The following ACLY variants were observed in gnomAD, a reference collection of about 807,000 sequenced individuals.
ACLY encodes the protein ATP citrate lyase.
In ACLY, 41 loss-of-function variants were observed where a neutral mutation model predicts 133.0. That is an observed-to-expected ratio of 0.31 (90% confidence interval 0.24 to 0.40). The LOEUF (loss-of-function observed/expected upper bound fraction) is 0.40. Ranked by LOEUF, ACLY falls within the 10% of genes least tolerant of loss-of-function variation. The probability of loss-of-function intolerance (pLI) is 1.00; values close to 1 mark genes in which losing one functional copy is unlikely to be tolerated. For synonymous variants in ACLY, 495 were observed against 549.3 expected (o/e 0.90, Z 1.38); for missense variants, 1,046 against 1,453.8 (o/e 0.72, Z 4.56).
upstream of ACLY, chr17:41,919,162 C>T: frequency 1.1e-6 from 1 of 936,086 alleles, no homozygotes; most frequent in East Asian, 8.9e-5. Context: ...GCTGGCCCAT[C>T]CACCGCCTCT....
intron 16 of ACLY, among the ~76,000 whole-genome samples, chr17:41,890,978 A>AAAAT: frequency 6.6e-6 from 1 of 152,160 alleles, no homozygotes; most frequent in East Asian, 1.9e-4. Flanking sequence ...TCAAAAAAAA[A>AAAAT]AAATAAATAA....
chr17:41,901,046 C>T (rs1408825151), intron 11 of ACLY, among the ~76,000 whole-genome samples: 2 of 152,084 alleles, frequency 1.3e-5, no homozygotes, highest in African/African-American at 2.4e-5. Context: ...CCTCAACCTC[C>T]CAGGTTCAGG....
chr17:41,869,482 T>C lies in ACLY; in HGVS notation c.3043A>G (p.Thr1015Ala), dbSNP rs782732336. The change falls in exon 26 of 29, where the codon ACC becomes GCC. Residue 1015 changes from threonine to alanine, a missense_variant. Thr to Ala is a moderately conservative substitution (Grantham distance 58). Transcript: ENST00000352035. ...DYALEVEKIT[T>A]SKKPNLILNV... ...AGTTTTTTCTTTGTTACCTTCGAGG[T>C]GGTAATCTTCTCTACTTCCAGTGCA... 6.2e-7 allele frequency: 1 copy of C among 1,613,102 alleles called. No individual in the cohort carries two copies. Among genetic ancestry groups the C allele is most frequent in the Non-Finnish European group, 8.5e-7 (1 of 1,179,328 alleles).
In ACLY at chr17:41,889,855, T is replaced by C. The variant is rs545535310; in HGVS notation, c.1771-2152A>G. 4.6e-5 allele frequency among the ~76,000 whole-genome samples: 7 copies of C among 152,168 alleles called. No individual in the cohort carries two copies. In the East Asian group the frequency reaches 1.4e-3, roughly 29 times the overall value. ...TGTCTGCCACCATACCCAGCTATTT[T>C]TTTTATTTTTAGTAGAGGCGGTGGC... is the stretch of plus-strand genomic sequence containing the variant. On this transcript the variant is annotated intron_variant, in intron 16 of 28. Coordinates refer to ENST00000352035, the MANE Select transcript of ACLY (RefSeq NM_001096.3).
chr17:41,919,182 G>C (rs1337845957), upstream of ACLY, among the ~76,000 whole-genome samples: 1 of 152,204 alleles, frequency 6.6e-6, no homozygotes. Context: ...TTGGGAGCCT[G>C]CGGGGCCGGG....
chr17:41,876,675 A>G (rs1295636682), intron 22 of ACLY, among the ~76,000 whole-genome samples: 9 of 152,290 alleles, frequency 5.9e-5, no homozygotes, highest in East Asian at 1.9e-4. Flanking sequence ...GATTAAGGGC[A>G]GTGCAAGGTG....
chr17:41,912,528 C>T lies in ACLY; in HGVS notation c.174G>A (p.Lys58=), dbSNP rs894634690. The T allele has an allele frequency of 5.0e-6, 8 of 1,614,180 alleles. No homozygotes were observed. The highest frequency in any genetic ancestry group is 6.8e-6 in the Non-Finnish European group (8 of 1,180,000). Residue 58 remains lysine (K), a synonymous_variant, in exon 3 of 29, where the codon AAG becomes AAA. Coordinates refer to ENST00000352035, the MANE Select transcript of ACLY (RefSeq NM_001096.3). ...CACGACGTTTGATCAGCTGGTCTGG[C>T]TTGACTACCAAGTTCTGGAACAAAA... ...PWLLSQNLVV[K]PDQLIKRRGK...
chr17:41,902,859 C>T (rs1272262527), intron 10 of ACLY, among the ~76,000 whole-genome samples: 1 of 152,210 alleles, frequency 6.6e-6, no homozygotes, highest in Non-Finnish European at 1.5e-5. Context: ...GACAGGGTCT[C>T]ATTGTCGCCC....
At chr17:41,926,918 G>T (rs1441406521) in intron 1 of ACLY, among the ~76,000 whole-genome samples, 2 of 147,962 alleles carry the variant, frequency 1.4e-5, no homozygotes, top group African/African-American at 5.0e-5. Context: ...GCCCAGGCTG[G>T]AGTGCAATGG....
At chr17:41,893,861 G>A (rs2049285001) in intron 14 of ACLY, among the ~76,000 whole-genome samples, 1 of 152,122 alleles carries the variant, frequency 6.6e-6, no homozygotes, top group African/African-American at 2.4e-5. Context: ...CCTTCTACCA[G>A]GTGGCTCTTT....
At chr17:41,913,166 A>G (rs1336178238) in intron 2 of ACLY, among the ~76,000 whole-genome samples, 1 of 152,230 alleles carries the variant, frequency 6.6e-6, no homozygotes, top group African/African-American at 2.4e-5. Flanking sequence ...ATGGCCCTGC[A>G]AAGATCTCAA....
rs2049813234 is a variant in ACLY at position 41,909,080 on chromosome 17, A to G, written c.537-12T>C. 6.2e-7 allele frequency: 1 copy of G among 1,602,222 alleles called. No individual in the cohort carries two copies. Among genetic ancestry groups the G allele is most frequent in the Non-Finnish European group, 8.5e-7 (1 of 1,172,238 alleles). ...AACTGGCCAGAATTCTAGAGGTGGG[A>G]GGGAGAGAGGGACAGTTCATCCATC... On this transcript the variant is annotated splice_polypyrimidine_tract_variant and intron_variant, in intron 5 of 28. Transcript: ENST00000352035.
At chr17:41,879,647 C>CAAAAAAAAAAAAAAAAAAAAAAAAA (rs558056100) in intron 20 of ACLY, among the ~76,000 whole-genome samples, 4 of 34,230 alleles carry the variant, frequency 1.2e-4, no homozygotes, top group African/African-American at 1.5e-4. Flanking sequence ...GACTCCGTCT[C>CAAAAAAAAAAAAAAAAAAAAAAAAA]AAAAAAAAAA....
chr17:41,893,469 A>T (rs537986623), intron 14 of ACLY, among the ~76,000 whole-genome samples: 4 of 152,336 alleles, frequency 2.6e-5, no homozygotes, highest in African/African-American at 9.6e-5. Context: ...TGCCCAGGAT[A>T]ATTCCTATAG....
chr17:41,894,601 C>A (rs782429930), intron 14 of ACLY, among the ~76,000 whole-genome samples: 11 of 151,312 alleles, frequency 7.3e-5, no homozygotes, highest in African/African-American at 2.7e-4. Flanking sequence ...GCGATTATTA[C>A]GCATTGCACG....
intron 22 of ACLY, 152 bp from the exon 23 acceptor site, chr17:41,874,117 G>T: frequency 1.2e-6 from 1 of 840,174 alleles, no homozygotes; most frequent in Non-Finnish European, 1.7e-6. Context: ...GTTTTCCCAA[G>T]AAAGAAGTGC....
intron 11 of ACLY, among the ~76,000 whole-genome samples, chr17:41,900,368 A>G (rs554146698): frequency 1.1e-5 from 1 of 89,200 alleles, no homozygotes; most frequent in Non-Finnish European, 2.3e-5. Flanking sequence ...ATCTCAAAAT[A>G]AAAAAAAAAG....
upstream of ACLY, among the ~76,000 whole-genome samples, chr17:41,920,496 C>T (rs2050164180): frequency 2.0e-5 from 3 of 148,912 alleles, no homozygotes; most frequent in East Asian, 6.0e-4. Context: ...GAGGTTGAGG[C>T]ATGAGAATCG....
rs1555634985 is a variant in ACLY at position 41,918,940 on chromosome 17, G to C, written c.-84C>G. ...GGCCCGACGAACCCCGCAAAATCCG[G>C]AGCACCCCAGCAGCCGGTAGCTTCC... is the stretch of plus-strand genomic sequence containing the variant. On this transcript the variant is annotated 5_prime_UTR_variant, in exon 1 of 29. Coordinates refer to ENST00000352035, the MANE Select transcript of ACLY (RefSeq NM_001096.3). The C allele has an allele frequency of 2.3e-6, 3 of 1,289,274 alleles. No individual in the cohort carries two copies. Among genetic ancestry groups the C allele is most frequent in the African/African-American group, 1.5e-5 (1 of 65,910 alleles). 79.9% of individuals were successfully genotyped at this position (1,289,274 alleles called of 1,614,324 possible).
Sources: allele counts gnomAD v4.1 joint callset (sites outside exome capture counted in the v4.1 genomes callset), GRCh38; gene constraint gnomAD v4.1.1; transcripts MANE v1.5; gene names NCBI Gene and HGNC (gene_info 2026-07-23, HGNC 2026-07-21).